The following AGBL4 variants were observed in gnomAD, a reference collection of about 807,000 sequenced individuals.
The protein encoded by AGBL4 is cytosolic carboxypeptidase 6.
A neutral mutation model predicts 66.4 loss-of-function variants in AGBL4; 58 were observed. That is an observed-to-expected ratio of 0.87 (90% CI 0.71 to 1.09). AGBL4 has a LOEUF of 1.09. AGBL4 is among the 50% of genes least tolerant of loss of function. The probability of loss-of-function intolerance (pLI) is 0.00; values close to 1 mark genes in which losing one functional copy is unlikely to be tolerated. For synonymous variants in AGBL4, 234 were observed against 222.9 expected (o/e 1.05, Z -0.44); for missense variants, 579 against 631.0 (o/e 0.92, Z 0.88).
At chr1:49,031,110 AAC>A (rs1221512642) in intron 5 of AGBL4, among the ~76,000 whole-genome samples, 1 of 152,092 alleles carries the variant, frequency 6.6e-6, no homozygotes. Context: ...TGTCTTTTGA[AAC>A]AGTTTCACTT....
chr1:49,341,285 C>T (rs1645534607), intron 3 of AGBL4, among the ~76,000 whole-genome samples: 1 of 152,146 alleles, frequency 6.6e-6, no homozygotes, highest in Non-Finnish European at 1.5e-5. Flanking sequence ...ATTGGAGAAA[C>T]CTCCAAACCA....
At chr1:49,132,898 G>C (rs568815457) in intron 4 of AGBL4, among the ~76,000 whole-genome samples, 1 of 152,060 alleles carries the variant, frequency 6.6e-6, no homozygotes, top group Non-Finnish European at 1.5e-5. Context: ...GGAATATACC[G>C]AAAGGATTAT....
chr1:49,054,102 T>A (rs1022552049), intron 4 of AGBL4, among the ~76,000 whole-genome samples: 3 of 152,128 alleles, frequency 2.0e-5, no homozygotes, highest in Non-Finnish European at 4.4e-5. Flanking sequence ...ATGTCTGGCT[T>A]ATTATTTACA....
At chr1:49,911,235 A>G (rs1462787451) in intron 1 of AGBL4, among the ~76,000 whole-genome samples, 1 of 151,978 alleles carries the variant, frequency 6.6e-6, no homozygotes, top group Non-Finnish European at 1.5e-5. Flanking sequence ...AATGAGCTGG[A>G]CTCGCGAGCC....
intron 4 of AGBL4, among the ~76,000 whole-genome samples, chr1:49,208,585 A>C (rs1015629255): frequency 1.3e-5 from 2 of 152,084 alleles, no homozygotes; most frequent in African/African-American, 4.8e-5. Flanking sequence ...GAGAAGATGC[A>C]TTCTTGGTTG....
At chr1:49,199,649 C>T (rs1207388185) in intron 4 of AGBL4, among the ~76,000 whole-genome samples, 1 of 152,172 alleles carries the variant, frequency 6.6e-6, no homozygotes, top group Non-Finnish European at 1.5e-5. Flanking sequence ...ACAGTCAAAA[C>T]ACACTTAGTC....
intron 3 of AGBL4, among the ~76,000 whole-genome samples, chr1:49,600,509 A>G (rs929813728): frequency 6.6e-6 from 1 of 152,218 alleles, no homozygotes; most frequent in Non-Finnish European, 1.5e-5. Flanking sequence ...GTGTCTTTGC[A>G]CATGAGATGG....
intron 1 of AGBL4, among the ~76,000 whole-genome samples, chr1:49,865,090 A>G (rs1646668381): frequency 6.6e-6 from 1 of 152,148 alleles, no homozygotes; most frequent in Non-Finnish European, 1.5e-5. Context: ...GGGTTTACGG[A>G]CAAAACTCTG....
At chr1:48,990,986 G>T (rs1222140472) in intron 5 of AGBL4, among the ~76,000 whole-genome samples, 5 of 151,994 alleles carry the variant, frequency 3.3e-5, no homozygotes, top group Admixed American at 6.6e-5. Context: ...TTGTACTTAA[G>T]ATATGAGTAG....
chr1:49,008,556 C>G (rs1403959668), intron 5 of AGBL4, among the ~76,000 whole-genome samples: 2 of 148,546 alleles, frequency 1.3e-5, no homozygotes, highest in Admixed American at 6.7e-5. Flanking sequence ...CTCTCCACCA[C>G]AAATCAACAG....
chr1:49,362,284 A>T (rs1176886425), intron 3 of AGBL4, among the ~76,000 whole-genome samples: 3 of 151,994 alleles, frequency 2.0e-5, no homozygotes, highest in African/African-American at 7.3e-5. Flanking sequence ...GATTTTCCCT[A>T]CCTTCAGGAA....
intron 3 of AGBL4, among the ~76,000 whole-genome samples, chr1:49,548,861 CT>C (rs1012225413): frequency 3.0e-4 from 46 of 152,150 alleles, no homozygotes; most frequent in African/African-American, 1.1e-3. Context: ...GGTATCAATT[CT>C]TCTTTGAATG....
intron 5 of AGBL4, among the ~76,000 whole-genome samples, chr1:48,996,845 TC>T (rs1557541021): frequency 5.3e-5 from 8 of 151,974 alleles, no homozygotes; most frequent in African/African-American, 7.2e-5. Context: ...CTTCCTTCCT[TC>T]CTTCCTTCCT....
At chr1:48,747,694 G>GT (rs1281825304) in intron 6 of AGBL4, among the ~76,000 whole-genome samples, 2 of 152,152 alleles carry the variant, frequency 1.3e-5, no homozygotes, top group African/African-American at 4.8e-5. Flanking sequence ...TACGGTCTTT[G>GT]TAAGTGTTTG....
At position 49,723,710 on chromosome 1, in the gene AGBL4, A is replaced by G. The variant is rs1648785696; in HGVS notation, c.158-26273T>C. Among the ~76,000 whole-genome samples the G allele has an allele frequency of 5.3e-5, 8 of 152,112 alleles. No individual in the cohort carries two copies. The South Asian group carries it at 1.7e-3, about 32-fold the overall frequency. On this transcript the variant is annotated intron_variant, in intron 2 of 13. Transcript: ENST00000371839. ...ATCTTTTCTTATCACTTTCTTTATT[A>G]TTTATAATATCCATCACATGGCAAA... is the stretch of plus-strand genomic sequence containing the variant.
At chr1:49,323,338 G>T (rs1381655102) in intron 3 of AGBL4, among the ~76,000 whole-genome samples, 1 of 151,982 alleles carries the variant, frequency 6.6e-6, no homozygotes, top group African/African-American at 2.4e-5. Flanking sequence ...CTGGAGTGCA[G>T]TGGCACCATC....
At chr1:49,634,818 TC>T (rs35455521) in intron 3 of AGBL4, among the ~76,000 whole-genome samples, 18 of 152,156 alleles carry the variant, frequency 1.2e-4, no homozygotes, top group Admixed American at 1.0e-3. Context: ...AATTTCTATA[TC>T]CATGTGGTTC....
intron 5 of AGBL4, among the ~76,000 whole-genome samples, chr1:48,963,581 T>C (rs889851193): frequency 6.6e-6 from 1 of 152,004 alleles, no homozygotes; most frequent in Non-Finnish European, 1.5e-5. Flanking sequence ...TTCTGTATGA[T>C]GTTCCTGGGG....
chr1:48,615,462 T>A (rs561905135), intron 9 of AGBL4, among the ~76,000 whole-genome samples: 2 of 152,302 alleles, frequency 1.3e-5, no homozygotes, highest in East Asian at 3.9e-4. Context: ...AACACCAGAT[T>A]GAAACTTGAA....
Sources: gnomAD v4.1 joint callset for allele counts (sites outside exome capture counted in the v4.1 genomes callset) on GRCh38, gnomAD v4.1.1 for gene constraint, MANE v1.5 for transcripts, NCBI Gene and HGNC (gene_info 2026-07-23, HGNC 2026-07-21) for gene names.